Variants in EVA1C observed in about 807,000 individuals in gnomAD.
EVA1C encodes protein eva-1 homolog C.
Under a neutral mutation model 45.4 loss-of-function variants are expected in EVA1C, and 25 were observed. That is an observed-to-expected ratio of 0.55 (90% CI 0.40 to 0.77). The LOEUF (loss-of-function observed/expected upper bound fraction) is 0.77. Among genes scored for constraint, EVA1C ranks in the 30% least tolerant of loss-of-function variants. EVA1C has a pLI of 0.00. For synonymous variants in EVA1C, 190 were observed against 221.2 expected, an observed-to-expected ratio of 0.86 and a Z score of 1.25; for missense variants, 479 against 554.8, an observed-to-expected ratio of 0.86 and a Z score of 1.37.
chr21:32,487,784 C>T (rs1166164771), intron 4 of EVA1C, among the ~76,000 whole-genome samples: 1 of 151,482 alleles, frequency 6.6e-6, no homozygotes, highest in East Asian at 1.9e-4. Context: ...GCCCCGTCCC[C>T]AAACCTTGCC....
intron 1 of EVA1C, among the ~76,000 whole-genome samples, chr21:32,422,275 A>G (rs1383359118): frequency 6.6e-6 from 1 of 152,196 alleles, no homozygotes; most frequent in Admixed American, 6.5e-5. Context: ...AAAAAGCTGG[A>G]GAAATTATCC....
chr21:32,478,463 C>T (rs1190567997), intron 4 of EVA1C, among the ~76,000 whole-genome samples: 1 of 152,190 alleles, frequency 6.6e-6, no homozygotes, highest in Non-Finnish European at 1.5e-5. Context: ...TCAGGTGATC[C>T]TCCTGCCTCG....
intron 3 of EVA1C, among the ~76,000 whole-genome samples, chr21:32,458,482 CTTT>C (rs60556962): frequency 3.5e-5 from 5 of 142,636 alleles, no homozygotes; most frequent in Non-Finnish European, 4.6e-5. Flanking sequence ...AAGTTAAGCA[CTTT>C]TTTTTTTTTT....
chr21:32,424,285 G>A (rs543593953), intron 1 of EVA1C, among the ~76,000 whole-genome samples: 2 of 152,062 alleles, frequency 1.3e-5, no homozygotes, highest in South Asian at 4.2e-4. Context: ...ATAAATCATC[G>A]TACTGTACTG....
In EVA1C at chr21:32,446,235, A is replaced by C. The variant is rs143580592; in HGVS notation, c.161-7077A>C. On this transcript the variant is annotated intron_variant, in intron 1 of 7. Coordinates refer to ENST00000300255, the MANE Select transcript of EVA1C (RefSeq NM_058187.5). ...TCCAGCCTGGGTGACAGAAAAAGAA[A>C]AAAAAAAAGAGTCCACATCCTCTCA... 7.1e-3 allele frequency among the ~76,000 whole-genome samples: 1,073 copies of C among 152,012 alleles called. 5 individuals carry two copies. The highest frequency in any genetic ancestry group is 0.011 in the Non-Finnish European group (725 of 67,918).
intron 5 of EVA1C, chr21:32,497,188 T>C (rs1389694319): frequency 5.0e-6 from 4 of 797,814 alleles, no homozygotes; most frequent in South Asian, 4.0e-5. Context: ...TTGGAATGAA[T>C]GGAAGAGTAT....
At chr21:32,421,935 G>C (rs538271909) in intron 1 of EVA1C, among the ~76,000 whole-genome samples, 2 of 151,552 alleles carry the variant, frequency 1.3e-5, no homozygotes, top group Admixed American at 6.6e-5. Flanking sequence ...ATCCCAGCTA[G>C]TTGGAAGGCT....
intron 1 of EVA1C, among the ~76,000 whole-genome samples, chr21:32,433,528 T>C (rs1461805262): frequency 6.6e-6 from 1 of 152,212 alleles, no homozygotes; most frequent in Non-Finnish European, 1.5e-5. Context: ...TCACCTGGGC[T>C]GCTAAGTGCT....
intron 4 of EVA1C, among the ~76,000 whole-genome samples, chr21:32,487,647 G>A (rs2037015640): frequency 6.6e-6 from 1 of 151,804 alleles, no homozygotes; most frequent in African/African-American, 2.4e-5. Flanking sequence ...TCGAATCCAG[G>A]AGGCAGAGGT....
chr21:32,417,393 C>T (rs2034091040), intron 1 of EVA1C, among the ~76,000 whole-genome samples: 1 of 152,172 alleles, frequency 6.6e-6, no homozygotes, highest in South Asian at 2.1e-4. Flanking sequence ...GTCTTCCCTC[C>T]ATGTGTGTCT....
intron 4 of EVA1C, among the ~76,000 whole-genome samples, chr21:32,494,729 C>T (rs1404665592): frequency 6.7e-6 from 1 of 150,356 alleles, no homozygotes; most frequent in African/African-American, 2.5e-5. Flanking sequence ...GTTGCAGTGA[C>T]TGAGATCGTG....
chr21:32,510,001 A>G (rs1331655210), intron 7 of EVA1C, among the ~76,000 whole-genome samples: 1 of 146,948 alleles, frequency 6.8e-6, no homozygotes, highest in Non-Finnish European at 1.5e-5. Context: ...TGTGGTCAGG[A>G]GTTGACTTTT....
chr21:32,502,943 C>G (rs1426352043), intron 6 of EVA1C, among the ~76,000 whole-genome samples: 1 of 152,142 alleles, frequency 6.6e-6, no homozygotes, highest in Non-Finnish European at 1.5e-5. Flanking sequence ...ACTTATTTTT[C>G]TAACAGGGTT....
intron 5 of EVA1C, among the ~76,000 whole-genome samples, chr21:32,499,064 C>T (rs573183991): frequency 2.8e-4 from 43 of 152,186 alleles, no homozygotes; most frequent in Non-Finnish European, 6.0e-4. Context: ...CTTTTCACTG[C>T]CTGGTTATTC....
At chr21:32,514,086 T>A (rs2146486342) in intron 7 of EVA1C, among the ~76,000 whole-genome samples, 1 of 152,294 alleles carries the variant, frequency 6.6e-6, no homozygotes, top group African/African-American at 2.4e-5. Flanking sequence ...TAGGGGAGAA[T>A]GTGCTTAGGT....
intron 4 of EVA1C, among the ~76,000 whole-genome samples, chr21:32,470,307 C>T (rs376122978): frequency 6.6e-6 from 1 of 152,334 alleles, no homozygotes; most frequent in African/African-American, 2.4e-5. Context: ...CTCCCAAATG[C>T]GAAGCCCCGT....
At chr21:32,434,366 C>T (rs550833488) in intron 1 of EVA1C, among the ~76,000 whole-genome samples, 53 of 147,028 alleles carry the variant, frequency 3.6e-4, no homozygotes, top group Non-Finnish European at 6.6e-4. Context: ...CCGAGATGGG[C>T]GGATCACGAG....
intron 1 of EVA1C, among the ~76,000 whole-genome samples, chr21:32,420,602 C>T (rs1206203053): frequency 6.6e-6 from 1 of 152,084 alleles, no homozygotes; most frequent in Non-Finnish European, 1.5e-5. Context: ...CTATGTTGCC[C>T]AGGCTGGTCT....
intron 4 of EVA1C, among the ~76,000 whole-genome samples, chr21:32,477,131 A>G (rs1228970147): frequency 6.6e-6 from 1 of 152,142 alleles, no homozygotes; most frequent in Non-Finnish European, 1.5e-5. Context: ...CTGAGGGGAC[A>G]CATCCCAGCA....
Sources: gnomAD v4.1 joint callset for allele counts (sites outside exome capture counted in the v4.1 genomes callset) on GRCh38, gnomAD v4.1.1 for gene constraint, MANE v1.5 for transcripts, NCBI Gene and HGNC (gene_info 2026-07-23, HGNC 2026-07-21) for gene names.